Variants in SCHIP1 observed in about 807,000 individuals in gnomAD.
SCHIP1 encodes schwannomin-interacting protein 1.
A neutral mutation model predicts 29.7 loss-of-function variants in SCHIP1; 8 were observed. The ratio of observed to expected loss-of-function variants is 0.27; its 90% CI spans 0.16 to 0.49. The LOEUF (loss-of-function observed/expected upper bound fraction) is 0.49. Ranked by LOEUF, SCHIP1 falls within the 20% of genes least tolerant of loss-of-function variation. The probability of loss-of-function intolerance (pLI) is 0.99; values close to 1 mark genes in which losing one functional copy is unlikely to be tolerated. For missense variants in SCHIP1, 193 were observed against 294.6 expected (o/e 0.66, Z 2.52); for synonymous variants, 76 against 94.9 (o/e 0.80, Z 1.16).
At chr3:159,622,425 G>C in the SCHIP1 span, among the ~76,000 whole-genome samples, 26 of 152,036 alleles carry the variant, frequency 1.7e-4, no homozygotes, top group African/African-American at 5.5e-4. Flanking sequence ...ATTTGTTTCT[G>C]ATGAATTTTC....
chr3:159,423,877 T>C, the SCHIP1 span, among the ~76,000 whole-genome samples: 22 of 151,890 alleles, frequency 1.4e-4, no homozygotes, highest in African/African-American at 5.3e-4. Context: ...AGAGGAACGA[T>C]CAGACAGCAG....
the SCHIP1 span, among the ~76,000 whole-genome samples, chr3:159,579,211 T>G: frequency 6.6e-6 from 1 of 152,222 alleles, no homozygotes; most frequent in Non-Finnish European, 1.5e-5. Flanking sequence ...ACAGGTTTTG[T>G]GGTAAGTATT....
intron 2 of SCHIP1, among the ~76,000 whole-genome samples, chr3:159,884,090 T>G (rs911018836): frequency 6.6e-6 from 1 of 152,212 alleles, no homozygotes; most frequent in Non-Finnish European, 1.5e-5. Flanking sequence ...TCTCAAGACT[T>G]TATTCAATAA....
chr3:159,496,625 G>A, the SCHIP1 span, among the ~76,000 whole-genome samples: 3 of 152,166 alleles, frequency 2.0e-5, no homozygotes, highest in Non-Finnish European at 4.4e-5. Flanking sequence ...GAGAGGATGT[G>A]GAGAAATAGG....
chr3:159,642,565 G>T, the SCHIP1 span, among the ~76,000 whole-genome samples: 5 of 152,044 alleles, frequency 3.3e-5, no homozygotes, highest in Non-Finnish European at 5.9e-5. Context: ...ACTAGATTAA[G>T]GGTTATGATG....
chr3:159,353,782 A>T, the SCHIP1 span, among the ~76,000 whole-genome samples: 1 of 152,206 alleles, frequency 6.6e-6, no homozygotes, highest in African/African-American at 2.4e-5. Context: ...TAAATTTTTC[A>T]ACCAAGATGT....
At chr3:159,544,697 T>C in the SCHIP1 span, among the ~76,000 whole-genome samples, 1 of 152,062 alleles carries the variant, frequency 6.6e-6, no homozygotes, top group African/African-American at 2.4e-5. Context: ...TTAATTGCAT[T>C]TTCTTTTTCT....
At chr3:159,778,474 A>G in the SCHIP1 span, among the ~76,000 whole-genome samples, 1 of 152,188 alleles carries the variant, frequency 6.6e-6, no homozygotes, top group Non-Finnish European at 1.5e-5. Context: ...CAAGAAATGA[A>G]CATTTACCCA....
chr3:159,616,665 T>G, the SCHIP1 span, among the ~76,000 whole-genome samples: 239 of 152,322 alleles, frequency 1.6e-3, no homozygotes, highest in African/African-American at 5.5e-3. Flanking sequence ...AAGCCTAGGC[T>G]AGGCCATGCT....
the SCHIP1 span, among the ~76,000 whole-genome samples, chr3:159,536,608 A>G: frequency 3.9e-5 from 6 of 152,098 alleles, no homozygotes; most frequent in Admixed American, 6.6e-5. Flanking sequence ...CCCAAAAGAG[A>G]CTGTGAAAGT....
At chr3:159,397,502 G>T in the SCHIP1 span, among the ~76,000 whole-genome samples, 1 of 152,146 alleles carries the variant, frequency 6.6e-6, no homozygotes, top group Non-Finnish European at 1.5e-5. Context: ...GGTTTTTCGT[G>T]TGGATGTCCT....
the SCHIP1 span, among the ~76,000 whole-genome samples, chr3:159,442,840 T>C: frequency 6.6e-6 from 1 of 152,182 alleles, no homozygotes; most frequent in Non-Finnish European, 1.5e-5. Flanking sequence ...CAGCACTCCA[T>C]TGCTGCAGTT....
chr3:159,617,732 A>G, the SCHIP1 span, among the ~76,000 whole-genome samples: 2,568 of 152,302 alleles, frequency 0.017, 91 homozygotes, highest in African/African-American at 0.059. Flanking sequence ...GGAAGAGGGT[A>G]TATAAGCTTC....
chr3:159,721,917 A>G, the SCHIP1 span: 564 of 429,728 alleles, frequency 1.3e-3, 2 homozygotes, highest in Non-Finnish European at 1.9e-3. Context: ...TGCTGAGGAA[A>G]CACAAATGTT....
chr3:159,805,338 G>T, the SCHIP1 span, among the ~76,000 whole-genome samples: 3 of 152,182 alleles, frequency 2.0e-5, no homozygotes, highest in African/African-American at 7.2e-5. Flanking sequence ...CTGACCCCTA[G>T]TGTCTGAGGA....
chr3:159,810,301 C>T, the SCHIP1 span, among the ~76,000 whole-genome samples: 1 of 152,032 alleles, frequency 6.6e-6, no homozygotes, highest in African/African-American at 2.4e-5. Context: ...CACCTCGGCC[C>T]CTCAAAGTGC....
At chr3:159,320,601 A>C in the SCHIP1 span, among the ~76,000 whole-genome samples, 1 of 123,978 alleles carries the variant, frequency 8.1e-6, no homozygotes, top group Non-Finnish European at 1.6e-5. Context: ...ATATGGTGGT[A>C]AGTTCCTTTT....
chr3:159,442,256 G>A, the SCHIP1 span, among the ~76,000 whole-genome samples: 1 of 152,218 alleles, frequency 6.6e-6, no homozygotes, highest in African/African-American at 2.4e-5. Context: ...AAGTCAGCTG[G>A]AGAGCTGGCC....
At chr3:159,863,442 A>G (rs1714268839) in intron 1 of SCHIP1, among the ~76,000 whole-genome samples, 1 of 152,184 alleles carries the variant, frequency 6.6e-6, no homozygotes, top group Non-Finnish European at 1.5e-5. Context: ...ATATGCAACC[A>G]TTAAAGATTG....
Sources: gnomAD v4.1 joint callset for allele counts (sites outside exome capture counted in the v4.1 genomes callset) on GRCh38, gnomAD v4.1.1 for gene constraint, MANE v1.5 for transcripts, NCBI Gene and HGNC (gene_info 2026-07-23, HGNC 2026-07-21) for gene names.